DCAF8L2: variants seen among roughly 807,000 people sequenced by gnomAD.
The protein encoded by DCAF8L2 is DDB1- and CUL4-associated factor 8-like protein 2.
For missense variants in DCAF8L2, 430 were observed against 490.7 expected (o/e 0.88, Z 1.17); for synonymous variants, 200 against 190.9 (o/e 1.05, Z -0.39).
the DCAF8L2 span, among the ~76,000 whole-genome samples, chrX:27,482,799 T>A: frequency 2.7e-5 from 3 of 111,805 alleles, no homozygotes; most frequent in Non-Finnish European, 3.8e-5. Context: ...CTAAACTCTT[T>A]TCTCTTTCCT....
At chrX:27,543,917 A>G in the DCAF8L2 span, among the ~76,000 whole-genome samples, 2 of 111,485 alleles carry the variant, frequency 1.8e-5, no homozygotes, top group African/African-American at 6.5e-5. Context: ...ATATTTTGAG[A>G]TGGCTATTCA....
the DCAF8L2 span, among the ~76,000 whole-genome samples, chrX:27,523,864 G>A: frequency 9.0e-5 from 10 of 110,551 alleles, no homozygotes; most frequent in Non-Finnish European, 1.5e-4. Flanking sequence ...GAGAACATGC[G>A]GTGTTTGGTT....
At chrX:27,529,407 A>T in the DCAF8L2 span, among the ~76,000 whole-genome samples, 1 of 111,672 alleles carries the variant, frequency 9.0e-6, no homozygotes. Context: ...CTGCAATAAC[A>T]TAAAAATTAG....
intron 3 of DCAF8L2, among the ~76,000 whole-genome samples, chrX:27,696,338 AAGAAAG>A (rs1486865606): frequency 9.3e-5 from 10 of 107,764 alleles, no homozygotes; most frequent in African/African-American, 3.1e-4. Flanking sequence ...AAGAAAAAGA[AAGAAAG>A]AGAAAGAAAA....
chrX:27,559,967 G>T, the DCAF8L2 span, among the ~76,000 whole-genome samples: 1 of 25,013 alleles, frequency 4.0e-5, no homozygotes, highest in Non-Finnish European at 6.7e-5. Flanking sequence ...CTCTTTCCAC[G>T]TTAAAAAAAA....
intron 2 of DCAF8L2, among the ~76,000 whole-genome samples, chrX:27,649,849 T>C (rs1290215137): frequency 8.9e-6 from 1 of 112,008 alleles, no homozygotes; most frequent in African/African-American, 3.2e-5. Context: ...CAATTGCTTT[T>C]GAGGACTTAG....
At chrX:27,547,845 T>TTCTC in the DCAF8L2 span, among the ~76,000 whole-genome samples, 7 of 46,291 alleles carry the variant, frequency 1.5e-4, no homozygotes, top group Non-Finnish European at 2.6e-4. Context: ...CTCTCTCTCT[T>TTCTC]TCTCTCTCTC....
chrX:27,589,000 A>G, upstream of DCAF8L2, among the ~76,000 whole-genome samples: 1 of 111,983 alleles, frequency 8.9e-6, no homozygotes, highest in African/African-American at 3.2e-5. Context: ...TTTCAAAAGT[A>G]TATACCCAGA....
At chrX:27,548,651 A>G in the DCAF8L2 span, among the ~76,000 whole-genome samples, 1 of 109,209 alleles carries the variant, frequency 9.2e-6, no homozygotes, top group Non-Finnish European at 2.0e-5. Context: ...CAGTGTTACA[A>G]CATTTTCCAT....
chrX:27,479,583 A>G, the DCAF8L2 span, among the ~76,000 whole-genome samples: 1 of 112,318 alleles, frequency 8.9e-6, no homozygotes, highest in Non-Finnish European at 1.9e-5. Context: ...TACATAAATT[A>G]AACACTTATA....
intron 1 of DCAF8L2, among the ~76,000 whole-genome samples, chrX:27,622,009 A>AAC (rs1569163060): frequency 1.8e-5 from 2 of 109,201 alleles, no homozygotes; most frequent in Middle Eastern, 4.8e-3. Flanking sequence ...ACAACAACAA[A>AAC]AAAAAAAGAT....
chrX:27,737,457 C>T (rs1921595045), intron 4 of DCAF8L2, among the ~76,000 whole-genome samples: 1 of 111,530 alleles, frequency 9.0e-6, no homozygotes, highest in Admixed American at 9.6e-5. Context: ...GAGTCTGAGC[C>T]AGAGGAGCAC....
chrX:27,657,050 C>A (rs1370554377), intron 2 of DCAF8L2, among the ~76,000 whole-genome samples: 1 of 110,621 alleles, frequency 9.0e-6, no homozygotes, highest in Non-Finnish European at 1.9e-5. Context: ...AGAATACAAG[C>A]AGACAGAAAA....
chrX:27,728,068 C>T (rs762178576), intron 4 of DCAF8L2, among the ~76,000 whole-genome samples: 7 of 111,668 alleles, frequency 6.3e-5, no homozygotes, highest in African/African-American at 1.9e-4. Flanking sequence ...CTTTGCATGT[C>T]TCACACCTCC....
At chrX:27,719,561 C>T (rs1397857621) in intron 4 of DCAF8L2, among the ~76,000 whole-genome samples, 4 of 106,760 alleles carry the variant, frequency 3.7e-5, no homozygotes, top group Non-Finnish European at 7.7e-5. Context: ...TCTCCTGCCT[C>T]AGCCTCCTGA....
chrX:27,574,447 T>TCTTC, the DCAF8L2 span, among the ~76,000 whole-genome samples: 12 of 112,286 alleles, frequency 1.1e-4, no homozygotes, highest in Non-Finnish European at 2.1e-4. Context: ...GTGTAACATG[T>TCTTC]CTTCCTGTTA....
At chrX:27,640,879 C>T (rs1928690157) in intron 2 of DCAF8L2, among the ~76,000 whole-genome samples, 1 of 111,444 alleles carries the variant, frequency 9.0e-6, no homozygotes, top group Non-Finnish European at 1.9e-5. Context: ...TGTTCATATA[C>T]ATTTATGTAC....
At chrX:27,527,227 G>T in the DCAF8L2 span, among the ~76,000 whole-genome samples, 1 of 111,825 alleles carries the variant, frequency 8.9e-6, no homozygotes, top group African/African-American at 3.2e-5. Context: ...AGCAATGGTG[G>T]GTGCCCCTCC....
At chrX:27,470,580 A>T in the DCAF8L2 span, among the ~76,000 whole-genome samples, 2 of 111,805 alleles carry the variant, frequency 1.8e-5, no homozygotes, top group African/African-American at 3.3e-5. Flanking sequence ...AGTTAAACAG[A>T]CATGTGGGTT....
Sources: gnomAD v4.1 joint callset for allele counts (sites outside exome capture counted in the v4.1 genomes callset) on GRCh38, gnomAD v4.1.1 for gene constraint, MANE v1.5 for transcripts, NCBI Gene and HGNC (gene_info 2026-07-23, HGNC 2026-07-21) for gene names.